The following TAF4 variants were observed in gnomAD, a reference collection of about 807,000 sequenced individuals.
The protein encoded by TAF4 is TATA-box binding protein associated factor 4.
A neutral mutation model predicts 90.3 loss-of-function variants in TAF4; 9 were observed. The observed-to-expected ratio is 0.10, with a 90% CI of 0.06 to 0.17. TAF4 has a LOEUF of 0.17. Among genes scored for constraint, TAF4 ranks in the 10% least tolerant of loss-of-function variants. The probability of loss-of-function intolerance (pLI) is 1.00; values close to 1 mark genes in which losing one functional copy is unlikely to be tolerated. For synonymous variants in TAF4, 818 were observed against 638.9 expected, an observed-to-expected ratio of 1.28 and a Z score of -4.23; for missense variants, 1,351 against 1,370.7, an observed-to-expected ratio of 0.99 and a Z score of 0.23.
intron 9 of TAF4, among the ~76,000 whole-genome samples, chr20:62,001,460 C>T (rs988876371): frequency 4.6e-5 from 7 of 152,226 alleles, no homozygotes; most frequent in Non-Finnish European, 1.5e-5. Flanking sequence ...TCGGCCCCCT[C>T]GTGAGGAGAT....
At chr20:61,985,543 T>C (rs112983941) in intron 14 of TAF4, among the ~76,000 whole-genome samples, 3 of 152,156 alleles carry the variant, frequency 2.0e-5, no homozygotes, top group African/African-American at 4.8e-5. Flanking sequence ...CGCACAGAAA[T>C]GCTACACTCC....
In TAF4 at chr20:61,998,046, G is replaced by T. The variant is rs1158333723; in HGVS notation, c.2970+90C>A. 3 of 1,256,850 alleles carry T rather than the reference G, an allele frequency of 2.4e-6. No individual in the cohort carries two copies. In the African/African-American group the frequency reaches 4.6e-5, roughly 19 times the overall value. 77.9% of individuals were successfully genotyped at this position (1,256,850 alleles called of 1,614,324 possible). On this transcript the variant is annotated intron_variant, in intron 13 of 14. Coordinates refer to ENST00000252996, the MANE Select transcript of TAF4 (RefSeq NM_003185.4). ...CAGACACGCAAATGCCTATCGTACA[G>T]AAGTGCCACGGTTTCCTTAGCCCCC...
chr20:61,977,691 G>A lies in TAF4; in HGVS notation c.3091-1356C>T, dbSNP rs73150749. ...TGAGGGCCCTTCTTCAGACCTGCCC[G>A]GGGTCCCTTTGCTACTGAAGCCTCC... On this transcript the variant is annotated intron_variant, in intron 14 of 14. Coordinates refer to ENST00000252996, the MANE Select transcript of TAF4 (RefSeq NM_003185.4). Among the ~76,000 whole-genome samples the A allele has an allele frequency of 3.0e-3, 460 of 152,268 alleles. 2 individuals carry two copies. The highest frequency in any genetic ancestry group is 5.5e-3 in the Non-Finnish European group (373 of 68,024).
At position 62,003,784 on chromosome 20, in the gene TAF4, T is replaced by C. The variant is rs1201997147; in HGVS notation, c.2318A>G (p.Asn773Ser). The change falls in exon 8 of 15, where the codon AAC becomes AGC. Residue 773 changes from asparagine (N) to serine (S), a missense_variant. This residue lies in a region of TAF4 where 202 missense variants were observed against 229.7 expected (regional missense o/e 0.88). Transcript: ENST00000252996. The stretch of plus-strand genomic sequence containing the variant: ...CTGAGGCGTGGTGAGCATGATCCGG[T>C]TGTGAGGCTGCCGCAGGGCGACCAT... ...TPMVALRQPH[N>S]RIMLTTPQQI... 2 of 1,609,210 alleles carry C rather than the reference T, an allele frequency of 1.2e-6. No homozygotes were observed. Among genetic ancestry groups the C allele is most frequent in the South Asian group, 2.2e-5 (2 of 90,916 alleles).
chr20:62,033,411 C>G (rs2055915051), intron 1 of TAF4, among the ~76,000 whole-genome samples: 1 of 152,130 alleles, frequency 6.6e-6, no homozygotes, highest in Non-Finnish European at 1.5e-5. Context: ...TCCCCTGCCC[C>G]AAGAAAAGCA....
chr20:61,982,054 A>C, intron 14 of TAF4, among the ~76,000 whole-genome samples: 3 of 137,072 alleles, frequency 2.2e-5, no homozygotes, highest in Admixed American at 7.2e-5. Context: ...CCAAGAGGAG[A>C]CACCAAACCC....
intron 1 of TAF4, among the ~76,000 whole-genome samples, chr20:62,036,024 T>TG: frequency 7.3e-6 from 1 of 137,266 alleles, no homozygotes; most frequent in South Asian, 2.2e-4. Flanking sequence ...ATCAAATTTC[T>TG]TTTTTTTTTT....
In TAF4 at chr20:62,003,744, G is replaced by A. The variant is rs1388908935; in HGVS notation, c.2358C>T (p.Asn786=). The part of the protein sequence containing the change: ...MLTTPQQIQL[N]PLQPVPVVKP... ...CGAGGCCCTCACCTGGCTGCAGTGG[G>A]TTCAGCTGGATCTGCTGAGGCGTGG... Residue 786 remains asparagine, a synonymous_variant, in exon 8 of 15, where the codon AAC becomes AAT. Transcript: ENST00000252996. 5 of 1,599,428 alleles carry A rather than the reference G, an allele frequency of 3.1e-6. No homozygotes were observed. In the South Asian group the frequency reaches 4.5e-5, roughly 14 times the overall value.
At chr20:62,057,339 C>T (rs921379188) in intron 1 of TAF4, among the ~76,000 whole-genome samples, 2 of 152,240 alleles carry the variant, frequency 1.3e-5, no homozygotes, top group Admixed American at 6.5e-5. Flanking sequence ...AGACCTCTGA[C>T]CCCAACCCCG....
At chr20:62,030,615 G>C (rs1403433267) in intron 1 of TAF4, among the ~76,000 whole-genome samples, 1 of 152,206 alleles carries the variant, frequency 6.6e-6, no homozygotes, top group African/African-American at 2.4e-5. Flanking sequence ...GCTGGGAAGG[G>C]TCTTGCTTGC....
chr20:62,040,245 T>C (rs1226896930), intron 1 of TAF4, among the ~76,000 whole-genome samples: 1 of 152,230 alleles, frequency 6.6e-6, no homozygotes, highest in Admixed American at 6.5e-5. Flanking sequence ...GGTAACCAGA[T>C]CACCTGCGGT....
intron 1 of TAF4, among the ~76,000 whole-genome samples, chr20:62,028,570 C>T (rs1328164097): frequency 6.6e-6 from 1 of 152,116 alleles, no homozygotes; most frequent in East Asian, 1.9e-4. Flanking sequence ...CTGTATCTGG[C>T]GCCATCACTT....
In TAF4 at chr20:62,022,677, C is replaced by T. The variant is rs186679107; in HGVS notation, c.1361-7970G>A. ...GTGACAGATGCACAGCCTCATCTTC[C>T]TTCTAACCTGTTCTGGCTAAAGCAA... On this transcript the variant is annotated intron_variant, in intron 1 of 14. Transcript: ENST00000252996. Among the ~76,000 whole-genome samples the T allele has an allele frequency of 2.3e-4, 35 of 152,344 alleles. 1 individual carries two copies. Among genetic ancestry groups the T allele is most frequent in the African/African-American group, 7.7e-4 (32 of 41,578 alleles).
In TAF4 at chr20:61,974,805, A is replaced by G. The variant is rs954238666; in HGVS notation, c.*1363T>C. 3.9e-5 allele frequency: 6 copies of G among 152,440 alleles called. No homozygotes were observed. The highest frequency in any genetic ancestry group is 1.4e-4 in the African/African-American group (6 of 41,478). 9.4% of individuals were successfully genotyped at this position (152,440 alleles called of 1,614,324 possible). A position where few individuals can be genotyped will look rare whatever the true frequency, so the allele number is the denominator to read the frequency against. On this transcript the variant is annotated 3_prime_UTR_variant, in exon 15 of 15. Transcript: ENST00000252996. This position sits in a 1 kb window ranked among gnomAD's most constrained non-coding sequence, Gnocchi z 4.1. ...AAAAATAGGCAAAACAAATACAGAT[A>G]AATTTGTTTTTAATAAAGGAGTTAA...
At chr20:62,021,446 GCTGAGACA>G (rs1029848007) in intron 1 of TAF4, among the ~76,000 whole-genome samples, 52 of 152,266 alleles carry the variant, frequency 3.4e-4, no homozygotes, top group Admixed American at 7.2e-4. Context: ...CCTTCTAGCT[GCTGAGACA>G]CAGCTGCCTG....
intron 1 of TAF4, among the ~76,000 whole-genome samples, chr20:62,057,110 G>T (rs528463274): frequency 6.6e-6 from 1 of 152,282 alleles, no homozygotes; most frequent in South Asian, 2.1e-4. Flanking sequence ...ACACTTTACT[G>T]CAAAGTCAGA....
chr20:62,024,225 C>G (rs1224425887), intron 1 of TAF4, among the ~76,000 whole-genome samples: 1 of 152,184 alleles, frequency 6.6e-6, no homozygotes, highest in Non-Finnish European at 1.5e-5. Flanking sequence ...GCTGGAACAA[C>G]TGGACAGACA....
chr20:62,009,984 A>G, intron 4 of TAF4, 62 bp downstream of exon 4: 1 of 1,603,312 alleles, frequency 6.2e-7, no homozygotes, highest in Admixed American at 1.7e-5. Context: ...TCAAGGCTGC[A>G]TTTTCTGACC....
chr20:62,017,068 G>A (rs2055816016), intron 1 of TAF4, among the ~76,000 whole-genome samples: 1 of 151,842 alleles, frequency 6.6e-6, no homozygotes. Context: ...CTGAGTCCAG[G>A]AGCTGGAAGC....
Sources: allele counts gnomAD v4.1 joint callset (sites outside exome capture counted in the v4.1 genomes callset), GRCh38; gene constraint gnomAD v4.1.1; regional missense constraint gnomAD v4.1.1; non-coding constraint Gnocchi (gnomAD v3.1); transcripts MANE v1.5; gene names NCBI Gene and HGNC (gene_info 2026-07-23, HGNC 2026-07-21).